Variants in STATH observed in about 807,000 individuals in gnomAD.
The protein encoded by STATH is statherin.
Under a neutral mutation model 13.3 loss-of-function variants are expected in STATH, and 11 were observed. The ratio of observed to expected loss-of-function variants is 0.83; its 90% CI spans 0.52 to 1.37. The LOEUF (loss-of-function observed/expected upper bound fraction) is 1.37. STATH is among the 40% of genes most tolerant of loss of function. The probability of loss-of-function intolerance (pLI) is 0.00; values close to 1 mark genes in which losing one functional copy is unlikely to be tolerated. For synonymous variants in STATH, 25 were observed against 23.6 expected, an observed-to-expected ratio of 1.06 and a Z score of -0.17; for missense variants, 78 against 73.3, an observed-to-expected ratio of 1.06 and a Z score of -0.24.
At position 69,999,811 on chromosome 4, in the gene STATH, T is replaced by C; in HGVS notation, c.102+2T>C. The C allele has an allele frequency of 6.2e-7, 1 of 1,612,040 alleles. No homozygotes were observed. The highest frequency in any genetic ancestry group is 8.5e-7 in the Non-Finnish European group (1 of 1,178,848). On this transcript the variant is annotated splice_donor_variant, in intron 4 of 5. Transcript: ENST00000246895. LOFTEE classifies it high-confidence loss of function. ...TTGCGTAGAATTGGAAGATTCGGTG[T>C]AAGTGTTCTCTGATAATGCTGTGTA...
At chr4:69,998,216 C>T in intron 1 of STATH, 4 of 524,434 alleles carry the variant, frequency 7.6e-6, no homozygotes, top group Non-Finnish European at 1.0e-5. Flanking sequence ...TACTCTAATG[C>T]CTTAGCATTT....
Position 70,000,189 on chromosome 4 carries a change from C to T in STATH, c.102+380C>T, listed in dbSNP as rs144342923. 9.3e-4 allele frequency: 173 copies of T among 186,668 alleles called. 1 individual carries two copies. Among genetic ancestry groups the T allele is most frequent in the South Asian group, 8.5e-3 (64 of 7,508 alleles). The allele number at this position is 186,668 out of a possible 1,614,324, so 11.6% of individuals were successfully genotyped here. A position where few individuals can be genotyped will look rare whatever the true frequency, so the allele number is the denominator to read the frequency against. On this transcript the variant is annotated intron_variant, in intron 4 of 5. Coordinates refer to ENST00000246895, the MANE Select transcript of STATH (RefSeq NM_003154.3). ...GTTTGCACCTTCTGATTTTTTTTGACGGTGATAAACTCATTAAATTAAACA... is the reference window on the plus strand; with the variant it reads ...GTTTGCACCTTCTGATTTTTTTTGATGGTGATAAACTCATTAAATTAAACA...
At position 69,999,551 on chromosome 4, in the gene STATH, G is replaced by A. The variant is rs192756480; in HGVS notation, c.52-116G>A. ...AAAAATAACTAATTTAGTGTCTATC[G>A]ATGATTTGCCTACATCCTGTTTACT... On this transcript the variant is annotated intron_variant, in intron 2 of 5. Coordinates refer to ENST00000246895, the MANE Select transcript of STATH (RefSeq NM_003154.3). 8.6e-5 allele frequency: 83 copies of A among 959,574 alleles called. No homozygotes were observed. In the South Asian group the frequency reaches 1.1e-3, roughly 13 times the overall value. The allele number at this position is 959,574 out of a possible 1,614,324, so 59.4% of individuals were successfully genotyped here.
chr4:69,999,578 A>T, intron 2 of STATH, 89 bp from the exon 3 acceptor site: 1 of 1,334,140 alleles, frequency 7.5e-7, no homozygotes, highest in South Asian at 1.3e-5. Flanking sequence ...CTGTTTACTC[A>T]CAACTGTAGC....
chr4:69,996,608 C>A (rs1239617155), intron 1 of STATH, among the ~76,000 whole-genome samples: 2 of 151,884 alleles, frequency 1.3e-5, no homozygotes, highest in African/African-American at 4.8e-5. Context: ...TGTGATATGG[C>A]AGAAAACAAA....
rs551880151 is a variant in STATH, at chr4:69,999,305, G to A, written c.52-362G>A. ...GAAAACAGAGAAAAACATAATGCTT[G>A]TCTCTGTCAGTAAATAAAAGTTATG... On this transcript the variant is annotated intron_variant, in intron 2 of 5. Coordinates refer to ENST00000246895, the MANE Select transcript of STATH (RefSeq NM_003154.3). Among the ~76,000 whole-genome samples the A allele has an allele frequency of 5.3e-5, 8 of 151,988 alleles. No homozygotes were observed. In the South Asian group the frequency reaches 1.7e-3, roughly 32 times the overall value.
At position 70,001,002 on chromosome 4, in the gene STATH, A is replaced by C. The variant is rs1724649092; in HGVS notation, c.*33+20A>C. ...ATTGAGGTAAGATGGGTTTAGTGACATTTTTTTTACTTTCTGTATCAGTGC... is the reference window on the plus strand; with the variant it reads ...ATTGAGGTAAGATGGGTTTAGTGACCTTTTTTTTACTTTCTGTATCAGTGC... On this transcript the variant is annotated intron_variant, in intron 5 of 5. Transcript: ENST00000246895. 3.3e-6 allele frequency: 5 copies of C among 1,529,094 alleles called. No individual in the cohort carries two copies. The highest frequency in any genetic ancestry group is 3.6e-6 in the Non-Finnish European group (4 of 1,104,042). 94.7% of individuals were successfully genotyped at this position (1,529,094 alleles called of 1,614,324 possible).
At chr4:70,000,379 G>T (rs977138174) in intron 4 of STATH, 1 of 158,996 alleles carries the variant, frequency 6.3e-6, no homozygotes, top group African/African-American at 2.4e-5. Context: ...CAAATAAAAA[G>T]ATACTCTAAA....
chr4:70,000,059 A>G (rs755126086), intron 4 of STATH: 1 of 477,764 alleles, frequency 2.1e-6, no homozygotes, highest in Non-Finnish European at 3.7e-6. Flanking sequence ...ATCATCTCCT[A>G]AGTAATCACT....
intron 4 of STATH, 128 bp downstream of exon 4, chr4:69,999,937 T>A: frequency 9.4e-7 from 1 of 1,059,264 alleles, no homozygotes. Context: ...TTTGTTTTCC[T>A]CTATTTATGA....
Position 70,001,215 on chromosome 4 carries a change from C to T in STATH, c.*33+233C>T, listed in dbSNP as rs1358673898. Among the ~76,000 whole-genome samples, 3 of 151,660 alleles carry T rather than the reference C, an allele frequency of 2.0e-5. No individual in the cohort carries two copies. In the Admixed American group the frequency reaches 2.0e-4, roughly 10 times the overall value. ...GGGGACACCAGGGTTTGTATGCTGG[C>T]CCTGACAACTACTAGTTTCATGACT... On this transcript the variant is annotated intron_variant, in intron 5 of 5. Coordinates refer to ENST00000246895, the MANE Select transcript of STATH (RefSeq NM_003154.3).
At chr4:69,997,858 AT>A (rs1724550747) in intron 1 of STATH, among the ~76,000 whole-genome samples, 1 of 152,182 alleles carries the variant, frequency 6.6e-6, no homozygotes, top group African/African-American at 2.4e-5. Flanking sequence ...CAGTAACATT[AT>A]AAAGCGATTG....
intron 2 of STATH, 100 bp downstream of exon 2, chr4:69,998,588 C>A: frequency 9.9e-7 from 1 of 1,014,714 alleles, no homozygotes; most frequent in Non-Finnish European, 1.4e-6. Context: ...TACTTGAATA[C>A]AGCTTTATAT....
At chr4:69,997,042 A>G (rs577339634) in intron 1 of STATH, among the ~76,000 whole-genome samples, 90 of 148,740 alleles carry the variant, frequency 6.1e-4, no homozygotes, top group Middle Eastern at 7.0e-3. Flanking sequence ...GGCTCAAGTG[A>G]TTCTCCTGCC....
chr4:69,998,208 C>A, intron 1 of STATH: 1 of 512,068 alleles, frequency 2.0e-6, no homozygotes, highest in Non-Finnish European at 3.5e-6. Flanking sequence ...TTGTGTGTTA[C>A]TCTAATGCCT....
At chr4:69,998,518 G>A (rs762748000) in intron 2 of STATH, 30 bp downstream of exon 2, 1 of 1,590,344 alleles carries the variant, frequency 6.3e-7, no homozygotes, top group Non-Finnish European at 8.6e-7. Flanking sequence ...TGAAGAATAT[G>A]TTCTCAGTAC....
intron 1 of STATH, among the ~76,000 whole-genome samples, chr4:69,997,887 TAACATCCA>T (rs1255456020): frequency 2.0e-5 from 3 of 152,186 alleles, no homozygotes; most frequent in Admixed American, 6.6e-5. Flanking sequence ...CTGGTCATTC[TAACATCCA>T]AACATCTCTT....
At chr4:70,000,042 C>A in intron 4 of STATH, 1 of 525,290 alleles carries the variant, frequency 1.9e-6, no homozygotes, top group Admixed American at 3.4e-5. Context: ...TCCCTGAGCC[C>A]TCAAGTATCA....
Position 69,999,697 on chromosome 4 carries a change from T to C in STATH, c.72+10T>C. On this transcript the variant is annotated intron_variant, in intron 3 of 5. Transcript: ENST00000246895. ...TGATTCATCTGAAGAGGTGAGTCATTTTCATTCACTGGAAAACTTGTTTTC... is the reference window on the plus strand; with the variant it reads ...TGATTCATCTGAAGAGGTGAGTCATCTTCATTCACTGGAAAACTTGTTTTC... 2 of 1,611,432 alleles carry C rather than the reference T, an allele frequency of 1.2e-6. No homozygotes were observed. Among genetic ancestry groups the C allele is most frequent in the Non-Finnish European group, 1.7e-6 (2 of 1,178,828 alleles).
Sources: allele counts gnomAD v4.1 joint callset (sites outside exome capture counted in the v4.1 genomes callset), GRCh38; gene constraint gnomAD v4.1.1; transcripts MANE v1.5; gene names NCBI Gene and HGNC (gene_info 2026-07-23, HGNC 2026-07-21).